The following CSNK1G1 variants were observed in gnomAD, a reference collection of about 807,000 sequenced individuals.
CSNK1G1 encodes casein kinase I isoform gamma-1.
A neutral mutation model predicts 59.6 loss-of-function variants in CSNK1G1; 22 were observed. The ratio of observed to expected loss-of-function variants is 0.37; its 90% CI spans 0.26 to 0.53. The LOEUF is 0.53. Among genes scored for constraint, CSNK1G1 ranks in the 20% least tolerant of loss-of-function variants. The pLI, the probability that CSNK1G1 is intolerant of heterozygous loss-of-function variation, is 0.89. For missense variants in CSNK1G1, 384 were observed against 519.5 expected, an observed-to-expected ratio of 0.74 and a Z score of 2.54; for synonymous variants, 179 against 177.1, an observed-to-expected ratio of 1.01 and a Z score of -0.08.
Position 64,169,657 on chromosome 15 carries a change from T to C in CSNK1G1, c.*2274A>G, listed in dbSNP as rs1304283805. 3 of 152,230 alleles carry C rather than the reference T, an allele frequency of 2.0e-5. No homozygotes were observed. Among genetic ancestry groups the C allele is most frequent in the Admixed American group, 6.5e-5 (1 of 15,276 alleles). 9.4% of individuals were successfully genotyped at this position (152,230 alleles called of 1,614,324 possible). ...TGAGAAACGATGTAAATTTTAGTGA[T>C]AGGGCTGTAACCACTAGGTAATGGC... On this transcript the variant is annotated 3_prime_UTR_variant, in exon 12 of 12. Transcript: ENST00000303052.
intron 10 of CSNK1G1, among the ~76,000 whole-genome samples, chr15:64,191,703 T>C (rs565102688): frequency 6.6e-6 from 1 of 152,188 alleles, no homozygotes; most frequent in Non-Finnish European, 1.5e-5. Context: ...AAAACTAATG[T>C]TAACACTCTA....
chr15:64,339,197 G>C (rs770363175), intron 1 of CSNK1G1, among the ~76,000 whole-genome samples: 4 of 152,158 alleles, frequency 2.6e-5, no homozygotes, highest in Non-Finnish European at 5.9e-5. Context: ...TCACCAGCAT[G>C]AACATCATCT....
intron 1 of CSNK1G1, among the ~76,000 whole-genome samples, chr15:64,346,159 A>T (rs1897952499): frequency 6.6e-6 from 1 of 152,082 alleles, no homozygotes; most frequent in Non-Finnish European, 1.5e-5. Flanking sequence ...TTGGAGGCAA[A>T]GGTGGGCAGA....
chr15:64,352,065 G>T (rs1436149587), intron 1 of CSNK1G1, among the ~76,000 whole-genome samples: 1 of 152,066 alleles, frequency 6.6e-6, no homozygotes, highest in Non-Finnish European at 1.5e-5. Context: ...CCAGCACCTT[G>T]GGAGGCCAAG....
In CSNK1G1 at chr15:64,216,136, A is replaced by G. The variant is rs2082308790; in HGVS notation, c.444+426T>C. 6.6e-6 allele frequency among the ~76,000 whole-genome samples: 1 copy of G among 151,984 alleles called. No homozygotes were observed. Among genetic ancestry groups the G allele is most frequent in the Admixed American group, 6.6e-5 (1 of 15,250 alleles). On this transcript the variant is annotated intron_variant, in intron 5 of 11. Coordinates refer to ENST00000303052, the MANE Select transcript of CSNK1G1 (RefSeq NM_022048.5). The surrounding 1 kb of genome is among the most constrained non-coding windows in gnomAD (Gnocchi z 4.6). ...GCTGCTGGAGAGGCTGAGGCAGGAG[A>G]ATCACTTGAGCCTAGGAGTTTGAGG...
At chr15:64,178,158 T>C (rs895127586) in intron 11 of CSNK1G1, among the ~76,000 whole-genome samples, 6 of 152,162 alleles carry the variant, frequency 3.9e-5, no homozygotes, top group Admixed American at 6.5e-5. Context: ...GTGCAGCCAG[T>C]TGAGAGCCCA....
chr15:64,323,869 T>C (rs949044806), intron 1 of CSNK1G1, among the ~76,000 whole-genome samples: 2 of 152,218 alleles, frequency 1.3e-5, no homozygotes, highest in African/African-American at 4.8e-5. Context: ...TCTATAAAAA[T>C]AGTTTGCTTT....
At chr15:64,245,172 C>A (rs546841263) in intron 4 of CSNK1G1, among the ~76,000 whole-genome samples, 1 of 152,134 alleles carries the variant, frequency 6.6e-6, no homozygotes, top group East Asian at 1.9e-4. Context: ...TGGGGAAATG[C>A]TTCATGACAT....
rs1205073608 is a variant in CSNK1G1 at position 64,236,158 on chromosome 15, A to AG, written c.292+15353_292+15354insC. Among the ~76,000 whole-genome samples, 6 of 151,358 alleles carry AG rather than the reference A, an allele frequency of 4.0e-5. No individual in the cohort carries two copies. The South Asian group carries it at 1.0e-3, about 26-fold the overall frequency. ...ACTCCATCTCAAAAAAAAAAAAAAAAAAAGAAAAGAAAAGAAAAGAAAATA... is the reference window on the plus strand; with the variant it reads ...ACTCCATCTCAAAAAAAAAAAAAAAAGAAAGAAAAGAAAAGAAAAGAAAATA... On this transcript the variant is annotated intron_variant, in intron 4 of 11. Transcript: ENST00000303052.
At chr15:64,190,996 T>G (rs976368859) in intron 10 of CSNK1G1, among the ~76,000 whole-genome samples, 1 of 152,106 alleles carries the variant, frequency 6.6e-6, no homozygotes, top group Admixed American at 6.6e-5. Flanking sequence ...TAATGTTGAG[T>G]TCTATAATAC....
At chr15:64,336,969 T>C (rs757379377) in intron 1 of CSNK1G1, among the ~76,000 whole-genome samples, 3 of 152,128 alleles carry the variant, frequency 2.0e-5, no homozygotes, top group Non-Finnish European at 4.4e-5. Flanking sequence ...GGCTCACACC[T>C]GTAATCCCAG....
Position 64,207,514 on chromosome 15 carries a change from G to C in CSNK1G1, c.760C>G (p.Leu254Val). 1 of 1,610,270 alleles carries C rather than the reference G, an allele frequency of 6.2e-7. No homozygotes were observed. The highest frequency in any genetic ancestry group is 8.5e-7 in the Non-Finnish European group (1 of 1,176,512). ...CTGAACACTTTCAAGGATACCTTGAGTCCTTGCCAGGGGAGGCTGCCTCGA... is the reference window on the plus strand; with the variant it reads ...CTGAACACTTTCAAGGATACCTTGACTCCTTGCCAGGGGAGGCTGCCTCGA... ...FLRGSLPWQG[L>V]KADTLKERYQ... The change falls in exon 7 of 12, where the codon CTC (leucine) becomes GTC (valine). Residue 254 changes from leucine (L) to valine (V), a missense_variant. Leu to Val is a conservative substitution (Grantham distance 32). Coordinates refer to ENST00000303052, the MANE Select transcript of CSNK1G1 (RefSeq NM_022048.5).
Position 64,295,969 on chromosome 15 carries a change from T to A in CSNK1G1, c.181+4350A>T, listed in dbSNP as rs374332839. 2.6e-5 allele frequency among the ~76,000 whole-genome samples: 4 copies of A among 152,214 alleles called. No homozygotes were observed. In the South Asian group the frequency reaches 8.3e-4, roughly 31 times the overall value. On this transcript the variant is annotated intron_variant, in intron 2 of 11. Transcript: ENST00000303052. ...TGTATAACTAAATGCTGCTGTGATA[T>A]GCTGGGCACTTGCACAGTATCTAGT...
intron 11 of CSNK1G1, among the ~76,000 whole-genome samples, chr15:64,177,811 G>A (rs1199161497): frequency 1.3e-5 from 2 of 152,190 alleles, no homozygotes; most frequent in Admixed American, 6.5e-5. Context: ...AGATAAACCT[G>A]TATAGGGCAT....
intron 4 of CSNK1G1, among the ~76,000 whole-genome samples, chr15:64,248,854 C>T (rs1279711391): frequency 2.0e-5 from 3 of 151,848 alleles, no homozygotes; most frequent in Non-Finnish European, 2.9e-5. Flanking sequence ...GGCGTGGTGG[C>T]TCACGCCTGT....
intron 2 of CSNK1G1, among the ~76,000 whole-genome samples, chr15:64,277,330 G>A (rs1172475943): frequency 6.6e-6 from 1 of 151,816 alleles, no homozygotes; most frequent in Non-Finnish European, 1.5e-5. Flanking sequence ...GCCAGGCATT[G>A]TGGTGCACCC....
At chr15:64,201,669 G>A (rs1476141662) in intron 10 of CSNK1G1, among the ~76,000 whole-genome samples, 1 of 150,222 alleles carries the variant, frequency 6.7e-6, no homozygotes, top group Non-Finnish European at 1.5e-5. Flanking sequence ...TATACTTACT[G>A]GTGAGAAAAT....
chr15:64,213,743 C>T (rs1343197531), intron 6 of CSNK1G1, 147 bp downstream of exon 6: 3 of 632,694 alleles, frequency 4.7e-6, no homozygotes, highest in Non-Finnish European at 8.4e-6. Flanking sequence ...CATTAACTTA[C>T]CATCTCAACT....
At chr15:64,332,048 A>G (rs942874741) in intron 1 of CSNK1G1, among the ~76,000 whole-genome samples, 50 of 150,320 alleles carry the variant, frequency 3.3e-4, no homozygotes, top group African/African-American at 1.2e-3. Flanking sequence ...GGATGTGGAG[A>G]AATAGGAACA....
Sources: allele counts gnomAD v4.1 joint callset (sites outside exome capture counted in the v4.1 genomes callset), GRCh38; gene constraint gnomAD v4.1.1; non-coding constraint Gnocchi (gnomAD v3.1); transcripts MANE v1.5; gene names NCBI Gene and HGNC (gene_info 2026-07-23, HGNC 2026-07-21).